The following PTPRD variants were observed in gnomAD, a reference collection of about 807,000 sequenced individuals.
The protein encoded by PTPRD is protein tyrosine phosphatase receptor type D.
PTPRD carries 34 observed loss-of-function variants against 214.5 expected under a neutral mutation model. That is an observed-to-expected ratio of 0.16 (90% CI 0.12 to 0.21). PTPRD has a LOEUF of 0.21. Ranked by LOEUF, PTPRD falls within the 10% of genes least tolerant of loss-of-function variation. PTPRD has a pLI of 1.00. For synonymous variants in PTPRD, 1,128 were observed against 845.7 expected (o/e 1.33, Z -5.79); for missense variants, 2,545 against 2,398.7 (o/e 1.06, Z -1.27).
In PTPRD at chr9:8,504,422, A is replaced by T; in HGVS notation, c.1678-17T>A. On this transcript the variant is annotated splice_polypyrimidine_tract_variant and intron_variant, in intron 22 of 45. Transcript: ENST00000381196. ...AATTCGTTGCTGGAAGCAATAAGAG[A>T]ATGTGGTCATCTTCATTAAGGTTCA... The T allele has an allele frequency of 6.2e-7, 1 of 1,613,834 alleles. No individual in the cohort carries two copies. Among genetic ancestry groups the T allele is most frequent in the Non-Finnish European group, 8.5e-7 (1 of 1,179,802 alleles).
chr9:9,665,008 A>G (rs532186897), intron 7 of PTPRD, among the ~76,000 whole-genome samples: 2 of 151,862 alleles, frequency 1.3e-5, no homozygotes, highest in East Asian at 3.9e-4. Flanking sequence ...TCATATTATT[A>G]TATGTCAACA....
chr9:8,854,564 T>C (rs760937263), intron 11 of PTPRD, among the ~76,000 whole-genome samples: 18 of 152,172 alleles, frequency 1.2e-4, no homozygotes, highest in South Asian at 8.3e-4. Context: ...GTTTGAAAAA[T>C]TGAAAATCAA....
At chr9:8,896,286 T>A (rs183253884) in intron 11 of PTPRD, among the ~76,000 whole-genome samples, 2 of 152,340 alleles carry the variant, frequency 1.3e-5, no homozygotes, top group African/African-American at 4.8e-5. Flanking sequence ...TCCTATTGCC[T>A]TCAGAATTGG....
rs759192133 is a variant in PTPRD at position 10,082,745 on chromosome 9, AGAGT to A, written c.-544-48959_-544-48956del. Among the ~76,000 whole-genome samples the A allele has an allele frequency of 2.5e-4, 37 of 150,470 alleles. 1 individual carries two copies. Among genetic ancestry groups the A allele is most frequent in the East Asian group, 3.9e-4 (2 of 5,108 alleles). ...TCATGTTTATTAAATGATGAGAGAG[AGAGT>A]ATTTTATTAAAGAAGGGAATCTGTA... is the stretch of plus-strand genomic sequence containing the variant. On this transcript the variant is annotated intron_variant, in intron 3 of 45. Coordinates refer to ENST00000381196, the MANE Select transcript of PTPRD (RefSeq NM_002839.4).
chr9:9,407,038 G>A (rs1044643605), intron 8 of PTPRD, among the ~76,000 whole-genome samples: 11 of 151,576 alleles, frequency 7.3e-5, no homozygotes, highest in African/African-American at 2.7e-4. Flanking sequence ...TAAGTAAATA[G>A]GAATAGTAAT....
intron 2 of PTPRD, among the ~76,000 whole-genome samples, chr9:10,417,557 G>A (rs1165139242): frequency 6.6e-6 from 1 of 151,536 alleles, no homozygotes; most frequent in Admixed American, 6.6e-5. Flanking sequence ...AAATATTATA[G>A]TTAATAAGCA....
At chr9:10,316,705 T>C (rs1281875327) in intron 3 of PTPRD, among the ~76,000 whole-genome samples, 1 of 151,910 alleles carries the variant, frequency 6.6e-6, no homozygotes, top group Admixed American at 6.6e-5. Context: ...TTTTTCCACA[T>C]ATAGTACTAA....
At chr9:8,493,276 C>CA (rs1457604028) in intron 26 of PTPRD, among the ~76,000 whole-genome samples, 2 of 152,204 alleles carry the variant, frequency 1.3e-5, no homozygotes, top group Admixed American at 6.5e-5. Context: ...CTAGCTTGGA[C>CA]AGACCAAGTA....
intron 6 of PTPRD, among the ~76,000 whole-genome samples, chr9:9,735,993 T>C (rs2098286453): frequency 6.6e-6 from 1 of 152,138 alleles, no homozygotes. Flanking sequence ...TAGAAGCCTG[T>C]GGCTTGTTCT....
intron 7 of PTPRD, among the ~76,000 whole-genome samples, chr9:9,619,395 T>C (rs1267416648): frequency 2.0e-5 from 3 of 151,616 alleles, no homozygotes; most frequent in Non-Finnish European, 4.4e-5. Flanking sequence ...GGCTAAACTT[T>C]GACACTGATC....
chr9:9,604,899 A>T (rs1268082406), intron 7 of PTPRD, among the ~76,000 whole-genome samples: 1 of 152,014 alleles, frequency 6.6e-6, no homozygotes, highest in African/African-American at 2.4e-5. Flanking sequence ...GAGGTATATT[A>T]TGACCACTTT....
chr9:9,238,872 C>G (rs192781662), intron 9 of PTPRD, among the ~76,000 whole-genome samples: 2 of 152,108 alleles, frequency 1.3e-5, no homozygotes, highest in Non-Finnish European at 2.9e-5. Flanking sequence ...TATTCAGCCC[C>G]TTATTTTGAA....
intron 13 of PTPRD, among the ~76,000 whole-genome samples, chr9:8,635,269 A>G (rs770959654): frequency 1.3e-5 from 2 of 151,472 alleles, no homozygotes; most frequent in African/African-American, 2.4e-5. Flanking sequence ...CTTTTGTTAC[A>G]TGATTTTGTC....
intron 5 of PTPRD, among the ~76,000 whole-genome samples, chr9:9,834,049 G>A (rs1565619242): frequency 6.6e-6 from 1 of 152,054 alleles, no homozygotes; most frequent in Non-Finnish European, 1.5e-5. Context: ...GTTATTGACT[G>A]GGGAAGTGAT....
intron 10 of PTPRD, among the ~76,000 whole-genome samples, chr9:9,173,013 T>A (rs1041191337): frequency 3.9e-5 from 6 of 152,148 alleles, no homozygotes; most frequent in Admixed American, 3.9e-4. Flanking sequence ...TACCAGCAGC[T>A]AACATGGCCT....
At chr9:8,419,936 A>C (rs12343912) in intron 35 of PTPRD, among the ~76,000 whole-genome samples, 3,178 of 152,256 alleles carry the variant, frequency 0.021, 100 homozygotes, top group African/African-American at 0.072. Flanking sequence ...ACTTTGAAAC[A>C]CACATTTTAG....
intron 9 of PTPRD, among the ~76,000 whole-genome samples, chr9:9,321,767 G>C (rs1276068711): frequency 1.3e-5 from 2 of 152,210 alleles, no homozygotes; most frequent in Non-Finnish European, 2.9e-5. Flanking sequence ...TTGTAGAATG[G>C]GAGTTGTAGC....
intron 9 of PTPRD, among the ~76,000 whole-genome samples, chr9:9,340,698 T>G (rs1333122): frequency 0.84 from 127,876 of 152,220 alleles, 54,025 homozygotes; most frequent in East Asian, 0.98. Context: ...GACATGCTGT[T>G]GGAAAACAAT....
At chr9:10,005,115 T>TA (rs1318060395) in intron 4 of PTPRD, among the ~76,000 whole-genome samples, 3 of 152,162 alleles carry the variant, frequency 2.0e-5, no homozygotes, top group Non-Finnish European at 4.4e-5. Context: ...TTTTTGTCTT[T>TA]TATTTTTCAG....
Sources: allele counts gnomAD v4.1 joint callset (sites outside exome capture counted in the v4.1 genomes callset), GRCh38; gene constraint gnomAD v4.1.1; transcripts MANE v1.5; gene names NCBI Gene and HGNC (gene_info 2026-07-23, HGNC 2026-07-21).